LRRC4C: variants seen among roughly 807,000 people sequenced by gnomAD.
LRRC4C encodes the protein leucine rich repeat containing 4C, also known as leucine-rich repeat-containing protein 4C.
Under a neutral mutation model 33.6 loss-of-function variants are expected in LRRC4C, and 5 were observed. That is an observed-to-expected ratio of 0.15 (90% CI 0.08 to 0.31). The LOEUF (loss-of-function observed/expected upper bound fraction) is 0.31, where lower values mean the gene tolerates loss of function less well. Ranked by LOEUF, LRRC4C falls within the 10% of genes least tolerant of loss-of-function variation. The probability of loss-of-function intolerance (pLI) is 1.00; values close to 1 mark genes in which losing one functional copy is unlikely to be tolerated. For missense variants in LRRC4C, 560 were observed against 796.7 expected (o/e 0.70, Z 3.58); for synonymous variants, 329 against 302.0 (o/e 1.09, Z -0.93).
Position 41,037,573 on chromosome 11 carries a change from T to TACACACACAC in LRRC4C, c.-495-103851_-495-103850insGTGTGTGTGT, listed in dbSNP as rs1590318775. ...GCTGAACTTTCTTACTTCTTTTCCT[T>TACACACACAC]TCACACACACACACACACACACACA... On this transcript the variant is annotated intron_variant, in intron 1 of 6. Coordinates refer to ENST00000528697, the MANE Select transcript of LRRC4C (RefSeq NM_001258419.2). 6.9e-5 allele frequency among the ~76,000 whole-genome samples: 5 copies of TACACACACAC among 72,858 alleles called. No homozygotes were observed. In the East Asian group the frequency reaches 2.0e-3, roughly 30 times the overall value. The allele number at this position is 72,858 out of a possible 152,430, so 47.8% of individuals were successfully genotyped here. A position where few individuals can be genotyped will look rare whatever the true frequency, so the allele number is the denominator to read the frequency against.
intron 1 of LRRC4C, among the ~76,000 whole-genome samples, chr11:40,947,006 C>T (rs1057035410): frequency 6.6e-6 from 1 of 151,950 alleles, no homozygotes; most frequent in Non-Finnish European, 1.5e-5. Context: ...ACATAATTGC[C>T]CCTGAATGAC....
chr11:41,127,846 G>A (rs555750687), intron 1 of LRRC4C, among the ~76,000 whole-genome samples: 10 of 152,200 alleles, frequency 6.6e-5, no homozygotes, highest in South Asian at 6.2e-4. Context: ...CAAGACAGAC[G>A]TGCATTGTGA....
chr11:40,549,852 GGC>G (rs60025600), intron 3 of LRRC4C, among the ~76,000 whole-genome samples: 27,689 of 151,940 alleles, frequency 0.18, 3,145 homozygotes, highest in African/African-American at 0.32. Context: ...TGCAATTGTA[GGC>G]TATAATTCAT....
At chr11:40,271,275 C>T (rs1942675007) in intron 4 of LRRC4C, among the ~76,000 whole-genome samples, 1 of 152,132 alleles carries the variant, frequency 6.6e-6, no homozygotes, top group Non-Finnish European at 1.5e-5. Context: ...TTCTGCTTTG[C>T]CATGTTTCCA....
At chr11:41,139,864 T>G (rs930832977) in intron 1 of LRRC4C, among the ~76,000 whole-genome samples, 3 of 152,092 alleles carry the variant, frequency 2.0e-5, no homozygotes, top group Non-Finnish European at 4.4e-5. Flanking sequence ...GGTGTGGTGG[T>G]CTTTGATCGG....
At chr11:41,284,766 T>C in intron 1 of LRRC4C, among the ~76,000 whole-genome samples, 1 of 152,216 alleles carries the variant, frequency 6.6e-6, no homozygotes, top group East Asian at 1.9e-4. Flanking sequence ...ATGTGTATGT[T>C]GAACACCAAT....
intron 3 of LRRC4C, among the ~76,000 whole-genome samples, chr11:40,593,752 G>C (rs1016446163): frequency 6.6e-6 from 1 of 152,102 alleles, no homozygotes; most frequent in African/African-American, 2.4e-5. Flanking sequence ...TTTCATCTTC[G>C]AAAATTTCCT....
At chr11:40,178,987 AT>A (rs1043661790) in intron 5 of LRRC4C, among the ~76,000 whole-genome samples, 8 of 137,204 alleles carry the variant, frequency 5.8e-5, no homozygotes, top group Admixed American at 1.5e-4. Flanking sequence ...GCTATCCCTT[AT>A]TTTTTTTTCT....
chr11:40,370,398 T>C (rs1948401902), intron 3 of LRRC4C, among the ~76,000 whole-genome samples: 1 of 152,208 alleles, frequency 6.6e-6, no homozygotes, highest in Admixed American at 6.6e-5. Context: ...TCAGGGAAGA[T>C]GTTATTTTGA....
At chr11:41,376,732 C>A (rs768557942) in intron 1 of LRRC4C, among the ~76,000 whole-genome samples, 2 of 151,814 alleles carry the variant, frequency 1.3e-5, no homozygotes, top group South Asian at 2.1e-4. Context: ...AATATACTGA[C>A]ACACACATGA....
At chr11:41,115,961 A>G (rs1053387566) in intron 1 of LRRC4C, among the ~76,000 whole-genome samples, 1 of 152,100 alleles carries the variant, frequency 6.6e-6, no homozygotes, top group Non-Finnish European at 1.5e-5. Flanking sequence ...AGGTGAGTCC[A>G]GCTCCTCTGT....
intron 1 of LRRC4C, among the ~76,000 whole-genome samples, chr11:41,225,424 C>A (rs1173988534): frequency 1.3e-5 from 2 of 151,900 alleles, no homozygotes; most frequent in African/African-American, 4.8e-5. Flanking sequence ...AAATATATAC[C>A]TTCTATATGC....
intron 1 of LRRC4C, among the ~76,000 whole-genome samples, chr11:41,362,540 T>A (rs1471977345): frequency 6.6e-6 from 1 of 151,604 alleles, no homozygotes; most frequent in Non-Finnish European, 1.5e-5. Flanking sequence ...TCAGAATCAC[T>A]AAGGGGGTCC....
At chr11:40,188,311 T>C (rs774858403) in intron 5 of LRRC4C, among the ~76,000 whole-genome samples, 16 of 152,194 alleles carry the variant, frequency 1.1e-4, no homozygotes, top group Non-Finnish European at 2.4e-4. Context: ...TATTCATCTC[T>C]CACATTTCAG....
In LRRC4C at chr11:41,208,455, C is replaced by A. The variant is rs112504155; in HGVS notation, c.-496+250976G>T. ...ATGAGAAAGTGTGCTCTGGATGAAA[C>A]ACATAGGATGAGGCTGGACAATTCA... On this transcript the variant is annotated intron_variant, in intron 1 of 6. Coordinates refer to ENST00000528697, the MANE Select transcript of LRRC4C (RefSeq NM_001258419.2). Among the ~76,000 whole-genome samples, 1,177 of 152,262 alleles carry A rather than the reference C, an allele frequency of 7.7e-3. 17 individuals carry two copies. The highest frequency in any genetic ancestry group is 0.026 in the African/African-American group (1,088 of 41,534).
chr11:40,984,907 T>TTTTTTTTC (rs1190537952), intron 1 of LRRC4C, among the ~76,000 whole-genome samples: 1 of 128,394 alleles, frequency 7.8e-6, no homozygotes, highest in Non-Finnish European at 1.7e-5. Flanking sequence ...TTTTTTTTTT[T>TTTTTTTTC]TTTTTTTTTT....
chr11:40,146,835 T>G (rs1213255542), intron 5 of LRRC4C, among the ~76,000 whole-genome samples: 1 of 152,194 alleles, frequency 6.6e-6, no homozygotes, highest in African/African-American at 2.4e-5. Flanking sequence ...ATGGACTTCC[T>G]GCTCAACACT....
intron 1 of LRRC4C, among the ~76,000 whole-genome samples, chr11:41,262,287 T>C (rs1055493647): frequency 2.0e-5 from 3 of 151,990 alleles, no homozygotes; most frequent in African/African-American, 7.3e-5. Flanking sequence ...AACTACAAAG[T>C]TGAACAGTTG....
intron 1 of LRRC4C, among the ~76,000 whole-genome samples, chr11:41,232,635 C>A (rs1195959747): frequency 6.6e-6 from 1 of 151,496 alleles, no homozygotes; most frequent in Non-Finnish European, 1.5e-5. Flanking sequence ...ATATATATGC[C>A]CTCATCTAGC....
Sources: gnomAD v4.1 joint callset for allele counts (sites outside exome capture counted in the v4.1 genomes callset) on GRCh38, gnomAD v4.1.1 for gene constraint, MANE v1.5 for transcripts, NCBI Gene and HGNC (gene_info 2026-07-23, HGNC 2026-07-21) for gene names.